The following ZDHHC15 variants were observed in gnomAD, a reference collection of about 807,000 sequenced individuals.
ZDHHC15 encodes palmitoyltransferase ZDHHC15.
Under a neutral mutation model 31.7 loss-of-function variants are expected in ZDHHC15, and 19 were observed. The ratio of observed to expected loss-of-function variants is 0.60; its 90% CI spans 0.42 to 0.88. ZDHHC15 has a LOEUF of 0.88. Ranked by LOEUF, ZDHHC15 falls within the 40% of genes least tolerant of loss-of-function variation. The pLI, the probability that ZDHHC15 is intolerant of heterozygous loss-of-function variation, is 0.00. For missense variants in ZDHHC15, 209 were observed against 251.2 expected (o/e 0.83, Z 1.14); for synonymous variants, 103 against 90.0 (o/e 1.14, Z -0.82).
At chrX:75,487,545 C>G (rs2084797558) in intron 2 of ZDHHC15, among the ~76,000 whole-genome samples, 1 of 111,952 alleles carries the variant, frequency 8.9e-6, no homozygotes, top group Non-Finnish European at 1.9e-5. Flanking sequence ...CCTTGAGTTG[C>G]AAATCTTTCC....
chrX:75,467,490 T>C (rs750268182), intron 3 of ZDHHC15, among the ~76,000 whole-genome samples: 116 of 112,557 alleles, frequency 1.0e-3, no homozygotes, highest in Non-Finnish European at 2.0e-3. Context: ...GATGAGGCAA[T>C]TGATGATAGA....
chrX:75,410,846 C>T (rs1446944613), intron 10 of ZDHHC15, among the ~76,000 whole-genome samples: 1 of 112,072 alleles, frequency 8.9e-6, no homozygotes, highest in African/African-American at 3.2e-5. Context: ...CTTAAATGTT[C>T]CTCAGTGGAC....
intron 10 of ZDHHC15, among the ~76,000 whole-genome samples, chrX:75,380,632 G>A (rs1038422459): frequency 4.5e-5 from 5 of 110,808 alleles, no homozygotes; most frequent in African/African-American, 1.3e-4. Context: ...GTAGCTCACC[G>A]GGTGAGGACT....
At chrX:75,455,591 T>C (rs1200522312) in intron 3 of ZDHHC15, among the ~76,000 whole-genome samples, 1 of 111,255 alleles carries the variant, frequency 9.0e-6, no homozygotes, top group Non-Finnish European at 1.9e-5. Flanking sequence ...ACCTACAGAA[T>C]GGGAGAAAAT....
At chrX:75,391,116 G>A (rs2083237795) in intron 10 of ZDHHC15, among the ~76,000 whole-genome samples, 1 of 111,749 alleles carries the variant, frequency 8.9e-6, no homozygotes. Context: ...CAGCAGAATT[G>A]ACTAAACAGA....
chrX:75,441,507 C>A (rs1427667673), intron 4 of ZDHHC15, among the ~76,000 whole-genome samples: 1 of 111,796 alleles, frequency 8.9e-6, no homozygotes, highest in East Asian at 2.8e-4. Flanking sequence ...CCCCTCTCAA[C>A]ACTTTGGGCA....
At chrX:75,420,969 C>T (rs886090307) in intron 9 of ZDHHC15, among the ~76,000 whole-genome samples, 1 of 110,519 alleles carries the variant, frequency 9.0e-6, no homozygotes, top group African/African-American at 3.3e-5. Flanking sequence ...GAATTACCTA[C>T]AACCTCAAAT....
At chrX:75,459,804 A>C (rs745714193) in intron 3 of ZDHHC15, among the ~76,000 whole-genome samples, 1 of 112,487 alleles carries the variant, frequency 8.9e-6, no homozygotes, top group East Asian at 2.8e-4. Flanking sequence ...GGACTTATCT[A>C]TTTACGCTAA....
chrX:75,470,417 C>T (rs755759453), intron 3 of ZDHHC15, among the ~76,000 whole-genome samples: 6 of 110,681 alleles, frequency 5.4e-5, no homozygotes, highest in Non-Finnish European at 1.1e-4. Context: ...TTGTGAGAGG[C>T]GAGGAGTTTA....
chrX:75,440,916 C>A (rs2083931508), intron 4 of ZDHHC15, among the ~76,000 whole-genome samples: 1 of 111,450 alleles, frequency 9.0e-6, no homozygotes, highest in Non-Finnish European at 1.9e-5. Flanking sequence ...AGGATTATGG[C>A]TGCCTCTGCT....
intron 10 of ZDHHC15, among the ~76,000 whole-genome samples, chrX:75,380,612 G>A (rs2083103778): frequency 9.0e-6 from 1 of 111,128 alleles, no homozygotes; most frequent in Admixed American, 9.6e-5. Flanking sequence ...ATTAAGCTAA[G>A]GTTGCAAAGG....
chrX:75,502,092 C>T (rs954661379), intron 2 of ZDHHC15: 2 of 112,014 alleles, frequency 1.8e-5, no homozygotes, highest in Non-Finnish European at 3.8e-5. Context: ...CAGACTGGGT[C>T]TCTAAATGGC....
At chrX:75,455,506 A>T (rs1323956671) in intron 3 of ZDHHC15, among the ~76,000 whole-genome samples, 1 of 112,131 alleles carries the variant, frequency 8.9e-6, no homozygotes, top group African/African-American at 3.2e-5. Flanking sequence ...ACAAAAGCCA[A>T]AATAGACAAA....
Position 75,379,643 on chromosome X carries a change from C to G in ZDHHC15, c.968-445G>C, listed in dbSNP as rs140644424. On this transcript the variant is annotated intron_variant, in intron 10 of 11. Coordinates refer to ENST00000373367, the MANE Select transcript of ZDHHC15 (RefSeq NM_144969.3). ...AGAAAATAAGAGGCTTTGGGATTAA[C>G]AAGCAACATCATTTATGGTACAAAT... Among the ~76,000 whole-genome samples the G allele has an allele frequency of 7.3e-3, 819 of 112,210 alleles. 3 individuals are homozygous for G. Among genetic ancestry groups the G allele is most frequent in the Non-Finnish European group, 0.012 (643 of 53,231 alleles).
chrX:75,442,255 C>A (rs1006295645), intron 4 of ZDHHC15, among the ~76,000 whole-genome samples: 1 of 111,641 alleles, frequency 9.0e-6, no homozygotes, highest in African/African-American at 3.3e-5. Context: ...GACAGGGATG[C>A]CCTCTCTCAC....
At chrX:75,405,816 C>A (rs1177869430) in intron 10 of ZDHHC15, among the ~76,000 whole-genome samples, 2 of 111,780 alleles carry the variant, frequency 1.8e-5, no homozygotes, top group East Asian at 2.8e-4. Flanking sequence ...ACCTAATAGG[C>A]CCAAGTGACA....
rs771521332 is a variant in ZDHHC15, at chrX:75,368,724, A to C, written c.*4254T>G. 1 of 111,205 alleles carries C rather than the reference A, an allele frequency of 9.0e-6. No individual in the cohort carries two copies. The highest frequency in any genetic ancestry group is 1.9e-5 in the Non-Finnish European group (1 of 52,983). The allele number at this position is 111,205 out of a possible 1,213,427, so 9.2% of individuals were successfully genotyped here. On this transcript the variant is annotated 3_prime_UTR_variant, in exon 12 of 12. Coordinates refer to ENST00000373367, the MANE Select transcript of ZDHHC15 (RefSeq NM_144969.3). ...ATTATTCCTTGAATGCATCTTATCT[A>C]ATTTTTTTTTCCTTTAATGCCATTC... is the stretch of plus-strand genomic sequence containing the variant.
chrX:75,502,526 T>C (rs966423583), intron 2 of ZDHHC15, among the ~76,000 whole-genome samples: 4 of 112,124 alleles, frequency 3.6e-5, no homozygotes, highest in African/African-American at 6.5e-5. Flanking sequence ...CCATTTAAAA[T>C]GCAAATTAAT....
intron 10 of ZDHHC15, among the ~76,000 whole-genome samples, chrX:75,397,326 CA>C (rs143476870): frequency 1.9e-4 from 18 of 96,202 alleles, no homozygotes; most frequent in African/African-American, 6.6e-4. Flanking sequence ...GACTCCATCT[CA>C]AAAAAAAAAA....
Sources: gnomAD v4.1 joint callset for allele counts (sites outside exome capture counted in the v4.1 genomes callset) on GRCh38, gnomAD v4.1.1 for gene constraint, MANE v1.5 for transcripts, NCBI Gene and HGNC (gene_info 2026-07-23, HGNC 2026-07-21) for gene names.